EYS: variants seen among roughly 807,000 people sequenced by gnomAD.
The protein encoded by EYS is EGF-like photoreceptor maintenance factor, also known as protein eyes shut homolog.
EYS carries 250 observed loss-of-function variants against 282.1 expected under a neutral mutation model. The observed-to-expected ratio is 0.89, with a 90% confidence interval of 0.80 to 0.98. The LOEUF is 0.98. Among genes scored for constraint, EYS ranks in the 50% least tolerant of loss-of-function variants. EYS has a pLI of 0.00. For missense variants in EYS, 4,016 were observed against 3,709.0 expected (o/e 1.08, Z -2.15); for synonymous variants, 1,355 against 1,282.9 (o/e 1.06, Z -1.20).
intron 29 of EYS, among the ~76,000 whole-genome samples, chr6:64,323,810 G>C (rs1770305791): frequency 6.6e-6 from 1 of 152,100 alleles, no homozygotes; most frequent in East Asian, 1.9e-4. Flanking sequence ...CATATGGAGT[G>C]TGCAGTAGAT....
intron 22 of EYS, among the ~76,000 whole-genome samples, chr6:64,790,490 A>G (rs2149999925): frequency 6.6e-6 from 1 of 152,122 alleles, no homozygotes; most frequent in Admixed American, 6.5e-5. Flanking sequence ...AAGATACAGA[A>G]AAAATAATTA....
chr6:64,229,991 C>G (rs1047724897), intron 31 of EYS, among the ~76,000 whole-genome samples: 1 of 152,132 alleles, frequency 6.6e-6, no homozygotes, highest in Admixed American at 6.6e-5. Flanking sequence ...TGACTTAATG[C>G]CTTTGTAATC....
chr6:65,550,023 C>G (rs1768544449), intron 2 of EYS, among the ~76,000 whole-genome samples: 1 of 152,142 alleles, frequency 6.6e-6, no homozygotes, highest in Non-Finnish European at 1.5e-5. Flanking sequence ...GTGAATTCCC[C>G]AAATGACTAG....
intron 11 of EYS, chr6:65,331,457 T>C (rs1485052830): frequency 1.2e-6 from 1 of 831,414 alleles, no homozygotes; most frequent in Non-Finnish European, 1.5e-6. Context: ...ATATTGCAAC[T>C]GATATAGAGA....
chr6:65,235,888 G>A (rs1318309439), intron 12 of EYS, among the ~76,000 whole-genome samples: 1 of 151,754 alleles, frequency 6.6e-6, no homozygotes, highest in East Asian at 1.9e-4. Flanking sequence ...AAAAAATCTT[G>A]AGGATCTTAA....
At chr6:65,003,908 C>T (rs1381888952) in intron 13 of EYS, among the ~76,000 whole-genome samples, 1 of 147,202 alleles carries the variant, frequency 6.8e-6, no homozygotes, top group Non-Finnish European at 1.5e-5. Context: ...TATATAATGT[C>T]ATTTCGTTTT....
At position 64,590,614 on chromosome 6, in the gene EYS, T is replaced by C. The variant is rs1450913713; in HGVS notation, c.5253A>G (p.Gln1751=). The change falls in exon 26 of 43, where the codon CAA becomes CAG. Residue 1751 remains glutamine, a synonymous_variant. Transcript: ENST00000503581. ...DSSLDFELNL[Q]IYPDVTLKTY... ...TCTTTAAAGTAACATCCGGATAAATTTGTAAGTTTAACTCAAAATCCAGAG... is the reference window on the plus strand; with the variant it reads ...TCTTTAAAGTAACATCCGGATAAATCTGTAAGTTTAACTCAAAATCCAGAG... 6.4e-7 allele frequency: 1 copy of C among 1,551,260 alleles called. No homozygotes were observed. Among genetic ancestry groups the C allele is most frequent in the Admixed American group, 2.0e-5 (1 of 50,960 alleles).
intron 35 of EYS, among the ~76,000 whole-genome samples, chr6:63,921,882 A>G (rs1347164809): frequency 6.6e-6 from 1 of 152,230 alleles, no homozygotes; most frequent in Non-Finnish European, 1.5e-5. Context: ...AAGACAAAAA[A>G]TGGCATTATT....
chr6:64,333,513 G>C (rs769542613), intron 29 of EYS, among the ~76,000 whole-genome samples: 51 of 152,046 alleles, frequency 3.4e-4, no homozygotes, highest in Admixed American at 1.6e-3. Flanking sequence ...ACACAGGAAG[G>C]GTTGCTCTGT....
At chr6:64,549,967 A>G (rs1249110432) in intron 26 of EYS, among the ~76,000 whole-genome samples, 2 of 151,764 alleles carry the variant, frequency 1.3e-5, no homozygotes, top group African/African-American at 2.4e-5. Flanking sequence ...GTTCCCACCT[A>G]TGAGGGAGAA....
chr6:65,455,208 T>C (rs372061240), intron 5 of EYS, among the ~76,000 whole-genome samples: 1 of 152,130 alleles, frequency 6.6e-6, no homozygotes. Flanking sequence ...AGTTTAGAGA[T>C]CTTTCTCCTT....
At chr6:63,977,085 G>T (rs541210392) in intron 35 of EYS, among the ~76,000 whole-genome samples, 8 of 151,068 alleles carry the variant, frequency 5.3e-5, no homozygotes, top group Non-Finnish European at 1.0e-4. Context: ...TTTTAAAAAT[G>T]GATACACAAT....
chr6:64,844,804 C>T (rs1200164033), intron 19 of EYS, among the ~76,000 whole-genome samples: 1 of 152,036 alleles, frequency 6.6e-6, no homozygotes, highest in East Asian at 1.9e-4. Flanking sequence ...AATATATTTC[C>T]TTCTCTCAAC....
At chr6:64,845,398 A>G (rs1765688367) in intron 19 of EYS, among the ~76,000 whole-genome samples, 1 of 152,144 alleles carries the variant, frequency 6.6e-6, no homozygotes, top group South Asian at 2.1e-4. Flanking sequence ...TAATATACAC[A>G]TCTTGGTCTT....
chr6:64,556,504 G>A (rs752244606), intron 26 of EYS, among the ~76,000 whole-genome samples: 1 of 151,810 alleles, frequency 6.6e-6, no homozygotes, highest in African/African-American at 2.4e-5. Context: ...CTACACAAAG[G>A]CATGAGGGAA....
chr6:64,343,580 C>T (rs970797083), intron 29 of EYS, among the ~76,000 whole-genome samples: 56 of 151,600 alleles, frequency 3.7e-4, no homozygotes, highest in African/African-American at 1.3e-3. Flanking sequence ...AAATTTATAC[C>T]ACTAAATGCC....
At chr6:64,536,730 G>C (rs77920727) in intron 26 of EYS, among the ~76,000 whole-genome samples, 5,555 of 151,726 alleles carry the variant, frequency 0.037, 224 homozygotes, top group East Asian at 0.11. Flanking sequence ...GAGATAAATA[G>C]CATTTACCAT....
At chr6:64,277,578 T>C (rs2150360254) in intron 30 of EYS, among the ~76,000 whole-genome samples, 1 of 152,230 alleles carries the variant, frequency 6.6e-6, no homozygotes, top group Middle Eastern at 3.4e-3. Flanking sequence ...GCAGATAAGA[T>C]AATGTCCATA....
chr6:64,206,090 C>T (rs1398139049), intron 31 of EYS, among the ~76,000 whole-genome samples: 3 of 151,974 alleles, frequency 2.0e-5, no homozygotes, highest in Non-Finnish European at 4.4e-5. Context: ...GTAAGACTCA[C>T]TTTTAAAAAG....
Sources: allele counts gnomAD v4.1 joint callset (sites outside exome capture counted in the v4.1 genomes callset), GRCh38; gene constraint gnomAD v4.1.1; transcripts MANE v1.5; gene names NCBI Gene and HGNC (gene_info 2026-07-23, HGNC 2026-07-21).